Variants in RAB38 observed in about 807,000 individuals in gnomAD.
RAB38 encodes ras-related protein Rab-38.
Under a neutral mutation model 18.4 loss-of-function variants are expected in RAB38, and 15 were observed. The ratio of observed to expected loss-of-function variants is 0.82; its 90% CI spans 0.55 to 1.26. The LOEUF is 1.26. RAB38 is among the 50% of genes most tolerant of loss of function. The probability of loss-of-function intolerance (pLI) is 0.00; values close to 1 mark genes in which losing one functional copy is unlikely to be tolerated. For missense variants in RAB38, 294 were observed against 267.4 expected, an observed-to-expected ratio of 1.10 and a Z score of -0.69; for synonymous variants, 101 against 104.4, an observed-to-expected ratio of 0.97 and a Z score of 0.20.
At chr11:88,012,914 T>C in the RAB38 span, among the ~76,000 whole-genome samples, 1 of 152,122 alleles carries the variant, frequency 6.6e-6, no homozygotes, top group African/African-American at 2.4e-5. Context: ...TTAAAAAGAA[T>C]TTCAAACAAA....
chr11:88,070,029 C>T, the RAB38 span, among the ~76,000 whole-genome samples: 8 of 152,158 alleles, frequency 5.3e-5, no homozygotes, highest in East Asian at 1.9e-4. Flanking sequence ...GCAGGCTGTC[C>T]GAGTCAGCAG....
chr11:87,816,782 T>C, the RAB38 span, among the ~76,000 whole-genome samples: 1 of 152,128 alleles, frequency 6.6e-6, no homozygotes, highest in Non-Finnish European at 1.5e-5. Context: ...ACATAAAATA[T>C]GCTGTATTTT....
the RAB38 span, among the ~76,000 whole-genome samples, chr11:87,959,310 G>T: frequency 1.3e-5 from 2 of 152,134 alleles, no homozygotes; most frequent in South Asian, 4.1e-4. Context: ...AACCTACACA[G>T]TAAGCTAAGA....
chr11:88,104,946 C>A, the RAB38 span, among the ~76,000 whole-genome samples: 1 of 151,972 alleles, frequency 6.6e-6, no homozygotes, highest in Non-Finnish European at 1.5e-5. Context: ...GACTCCATGG[C>A]CCCATATTAT....
the RAB38 span, among the ~76,000 whole-genome samples, chr11:87,851,113 G>A: frequency 6.6e-6 from 1 of 152,158 alleles, no homozygotes; most frequent in Non-Finnish European, 1.5e-5. Context: ...AGTATAGACA[G>A]TCTTTTACAG....
At chr11:87,948,831 AG>A in the RAB38 span, among the ~76,000 whole-genome samples, 93 of 152,034 alleles carry the variant, frequency 6.1e-4, no homozygotes, top group African/African-American at 2.1e-3. Context: ...ATGTTCATCA[AG>A]GATATTGGTC....
At chr11:88,022,727 C>CT in the RAB38 span, among the ~76,000 whole-genome samples, 6 of 149,760 alleles carry the variant, frequency 4.0e-5, no homozygotes, top group African/African-American at 1.5e-4. Flanking sequence ...TGATATCATT[C>CT]TTTTTTATAG....
At chr11:87,959,538 T>C in the RAB38 span, among the ~76,000 whole-genome samples, 1 of 152,204 alleles carries the variant, frequency 6.6e-6, no homozygotes, top group Non-Finnish European at 1.5e-5. Context: ...TAAGTATCTA[T>C]TTTACTAGCA....
At chr11:88,127,885 T>C (rs1942719797) in intron 2 of RAB38, among the ~76,000 whole-genome samples, 1 of 152,162 alleles carries the variant, frequency 6.6e-6, no homozygotes, top group Non-Finnish European at 1.5e-5. Flanking sequence ...AAATTTACCT[T>C]CTCTCTAGAT....
intron 1 of RAB38, among the ~76,000 whole-genome samples, chr11:88,153,988 G>A (rs1036514636): frequency 6.6e-6 from 1 of 152,156 alleles, no homozygotes; most frequent in African/African-American, 2.4e-5. Context: ...GAGGGAACAT[G>A]GGCAAACAGC....
chr11:87,885,505 A>G, the RAB38 span, among the ~76,000 whole-genome samples: 2 of 152,046 alleles, frequency 1.3e-5, no homozygotes, highest in African/African-American at 4.8e-5. Context: ...AATGAGAGAC[A>G]AGACTGGCAG....
chr11:87,977,955 A>G, the RAB38 span, among the ~76,000 whole-genome samples: 2 of 113,090 alleles, frequency 1.8e-5, no homozygotes, highest in East Asian at 5.2e-4. Flanking sequence ...TTAATATAAT[A>G]TATAAATAAG....
chr11:87,906,074 G>T, the RAB38 span, among the ~76,000 whole-genome samples: 1 of 151,878 alleles, frequency 6.6e-6, no homozygotes, highest in African/African-American at 2.4e-5. Context: ...TCATGGTTGT[G>T]TTCTGAAAAT....
At chr11:88,052,695 T>G in the RAB38 span, among the ~76,000 whole-genome samples, 2 of 151,532 alleles carry the variant, frequency 1.3e-5, no homozygotes, top group African/African-American at 4.8e-5. Flanking sequence ...TCCTGGCAGT[T>G]TCCCTCAAAG....
the RAB38 span, among the ~76,000 whole-genome samples, chr11:87,968,416 CTAAAT>C: frequency 6.6e-6 from 1 of 152,084 alleles, no homozygotes; most frequent in African/African-American, 2.4e-5. Flanking sequence ...TGCAGTGTGA[CTAAAT>C]TGTGGTCAAA....
At chr11:87,829,551 T>A in the RAB38 span, among the ~76,000 whole-genome samples, 1 of 151,986 alleles carries the variant, frequency 6.6e-6, no homozygotes, top group Non-Finnish European at 1.5e-5. Flanking sequence ...AACCATCGGA[T>A]CTTGTGAGAA....
chr11:88,108,827 C>A (rs543796923), downstream of RAB38, among the ~76,000 whole-genome samples: 3 of 152,200 alleles, frequency 2.0e-5, no homozygotes, highest in South Asian at 6.2e-4. Context: ...GTAAAGCAGG[C>A]GTGGTGGTGA....
rs1565209520 is a variant in RAB38 at position 88,121,775 on chromosome 11, G to C, written c.484-7635C>G. On this transcript the variant is annotated intron_variant, in intron 2 of 2. Transcript: ENST00000243662. ...GACGGGGTTTCACCATGTTGGCCAG[G>C]ATGCTCTCGATCTCCTGACCTCGGG... Among the ~76,000 whole-genome samples, 3 of 152,166 alleles carry C rather than the reference G, an allele frequency of 2.0e-5. No homozygotes were observed. In the East Asian group the frequency reaches 5.8e-4, roughly 30 times the overall value.
At chr11:88,172,871 G>A (rs369473468) in intron 1 of RAB38, among the ~76,000 whole-genome samples, 1 of 152,314 alleles carries the variant, frequency 6.6e-6, no homozygotes, top group South Asian at 2.1e-4. Flanking sequence ...AGCTAACAGG[G>A]CCTTTGGGCT....
Sources: allele counts gnomAD v4.1 joint callset (sites outside exome capture counted in the v4.1 genomes callset), GRCh38; gene constraint gnomAD v4.1.1; transcripts MANE v1.5; gene names NCBI Gene and HGNC (gene_info 2026-07-23, HGNC 2026-07-21).